AVEN: variants seen among roughly 807,000 people sequenced by gnomAD.
AVEN encodes apoptosis and caspase activation inhibitor.
AVEN carries 41 observed loss-of-function variants against 38.1 expected under a neutral mutation model. That is an observed-to-expected ratio of 1.08 (90% confidence interval 0.84 to 1.40). AVEN has a LOEUF of 1.40. Ranked by LOEUF, AVEN falls within the 40% of genes most tolerant of loss-of-function variation. AVEN has a pLI of 0.00. For synonymous variants in AVEN, 206 were observed against 171.8 expected (o/e 1.20, Z -1.56); for missense variants, 605 against 438.8 (o/e 1.38, Z -3.38).
intron 1 of AVEN, among the ~76,000 whole-genome samples, chr15:34,072,705 G>A (rs1410087545): frequency 1.3e-5 from 2 of 151,334 alleles, no homozygotes; most frequent in African/African-American, 2.4e-5. Flanking sequence ...CTGGAGTGCA[G>A]TGGCCAGATC....
At chr15:33,967,819 G>T (rs1016898991) in intron 2 of AVEN, among the ~76,000 whole-genome samples, 4 of 150,916 alleles carry the variant, frequency 2.7e-5, no homozygotes, top group Non-Finnish European at 3.0e-5. Flanking sequence ...TCTAACTTAA[G>T]GAAAAGCTTT....
intron 1 of AVEN, among the ~76,000 whole-genome samples, chr15:34,033,443 T>C (rs945126425): frequency 3.3e-5 from 5 of 151,716 alleles, no homozygotes; most frequent in African/African-American, 7.3e-5. Flanking sequence ...GAGGCGGAGA[T>C]TGCAGTGAGC....
At chr15:33,988,672 T>C (rs1481091174) in intron 2 of AVEN, among the ~76,000 whole-genome samples, 1 of 152,224 alleles carries the variant, frequency 6.6e-6, no homozygotes, top group Non-Finnish European at 1.5e-5. Flanking sequence ...CTGAGGACAC[T>C]GGGTGTGCTC....
At chr15:34,056,676 CTTG>C (rs1900164630) in intron 5 of AVEN, among the ~76,000 whole-genome samples, 1 of 152,066 alleles carries the variant, frequency 6.6e-6, no homozygotes, top group Admixed American at 6.6e-5. Flanking sequence ...GGTTGTTCTG[CTTG>C]AATGATTGGG....
At chr15:33,854,303 G>C, downstream of AVEN, 1 of 1,061,834 alleles carries the variant, frequency 9.4e-7, no homozygotes. Flanking sequence ...TTAAACCTGA[G>C]AGAAAAAACT....
chr15:33,983,128 C>CTGTGTG (rs373285133), intron 2 of AVEN, among the ~76,000 whole-genome samples: 285 of 135,348 alleles, frequency 2.1e-3, no homozygotes, highest in Middle Eastern at 3.9e-3. Context: ...TGTCCATACT[C>CTGTGTG]TGTGTGTGTG....
intron 2 of AVEN, among the ~76,000 whole-genome samples, chr15:33,883,489 G>C (rs1321848863): frequency 1.3e-5 from 2 of 152,064 alleles, no homozygotes; most frequent in African/African-American, 4.8e-5. Context: ...TGGTAGGTCT[G>C]TATGTACTGA....
intron 2 of AVEN, among the ~76,000 whole-genome samples, chr15:33,978,118 A>C (rs186188802): frequency 1.3e-4 from 20 of 152,168 alleles, no homozygotes; most frequent in Admixed American, 1.2e-3. Flanking sequence ...TTTTAAAAAC[A>C]TAGAAATTCA....
chr15:33,995,918 C>T (rs1294365146), intron 2 of AVEN, among the ~76,000 whole-genome samples: 1 of 152,240 alleles, frequency 6.6e-6, no homozygotes, highest in Admixed American at 6.5e-5. Context: ...GGGGATTTCC[C>T]TTTCCTAGCC....
intron 2 of AVEN, among the ~76,000 whole-genome samples, chr15:33,957,003 A>G (rs962263981): frequency 6.6e-6 from 1 of 152,142 alleles, no homozygotes; most frequent in African/African-American, 2.4e-5. Context: ...GAATTTCTGG[A>G]AAAATAACAT....
chr15:33,932,203 T>A (rs1893875688), intron 2 of AVEN, among the ~76,000 whole-genome samples: 1 of 151,952 alleles, frequency 6.6e-6, no homozygotes, highest in Admixed American at 6.5e-5. Context: ...CCTTTGGTCT[T>A]TTTTTGTAAC....
chr15:33,892,648 T>C (rs1052258066), intron 2 of AVEN, among the ~76,000 whole-genome samples: 1 of 152,234 alleles, frequency 6.6e-6, no homozygotes, highest in Non-Finnish European at 1.5e-5. Context: ...TGAAGTCAGG[T>C]AGCGTGATGC....
chr15:33,873,342 T>C (rs889871), intron 3 of AVEN, among the ~76,000 whole-genome samples: 149,031 of 150,092 alleles, frequency 0.99, 73,998 homozygotes, highest in Middle Eastern at 1. Context: ...TCAGGTAATC[T>C]GCCCACCTCG....
At chr15:33,940,784 C>A (rs1184590373) in intron 2 of AVEN, among the ~76,000 whole-genome samples, 1 of 152,156 alleles carries the variant, frequency 6.6e-6, no homozygotes, top group Non-Finnish European at 1.5e-5. Context: ...ACGTGATCCA[C>A]CCACTTTGGC....
At chr15:34,029,016 T>A (rs1241698203) in intron 1 of AVEN, among the ~76,000 whole-genome samples, 1 of 152,154 alleles carries the variant, frequency 6.6e-6, no homozygotes, top group Non-Finnish European at 1.5e-5. Context: ...GAAATAACAA[T>A]TACTATTTGT....
intron 2 of AVEN, chr15:33,972,465 G>A (rs1895679829): frequency 6.6e-6 from 1 of 151,456 alleles, no homozygotes; most frequent in African/African-American, 2.4e-5. Flanking sequence ...GCAGGGAGGG[G>A]GCTGGTTAAC....
intron 4 of AVEN, chr15:34,065,142 A>T (rs1266454906): frequency 6.3e-6 from 1 of 159,584 alleles, no homozygotes; most frequent in Non-Finnish European, 1.5e-5. Context: ...ATCTAAACAG[A>T]TATTGTGCAT....
rs568555472 is a variant in AVEN at position 33,989,450 on chromosome 15, T to TAAA, written c.445+13579_445+13581dup. Among the ~76,000 whole-genome samples the TAAA allele has an allele frequency of 1.3e-4, 19 of 142,504 alleles. No individual in the cohort carries two copies. In the East Asian group the frequency reaches 3.6e-3, roughly 27 times the overall value. The allele number at this position is 142,504 out of a possible 152,430, so 93.5% of individuals were successfully genotyped here. A position where few individuals can be genotyped will look rare whatever the true frequency, so the allele number is the denominator to read the frequency against. ...CTAACAGCTGGTTTTGTTTGGAGTT[T>TAAA]AAAAAAAAAAAAAAGGTTCTAAGAC... On this transcript the variant is annotated intron_variant, in intron 2 of 5. Coordinates refer to ENST00000306730, the MANE Select transcript of AVEN (RefSeq NM_020371.3).
At chr15:34,069,307 C>A (rs112101955) in intron 2 of AVEN, among the ~76,000 whole-genome samples, 11,849 of 150,848 alleles carry the variant, frequency 0.079, 715 homozygotes, top group East Asian at 0.31. Context: ...GTAATCCCAG[C>A]TACTTGGGAG....
Sources: gnomAD v4.1 joint callset for allele counts (sites outside exome capture counted in the v4.1 genomes callset) on GRCh38, gnomAD v4.1.1 for gene constraint, MANE v1.5 for transcripts, NCBI Gene and HGNC (gene_info 2026-07-23, HGNC 2026-07-21) for gene names.